ADGRF5: variants seen among roughly 807,000 people sequenced by gnomAD.
The protein encoded by ADGRF5 is adhesion G protein-coupled receptor F5, also known as G-protein coupled receptor 116.
In ADGRF5, 75 loss-of-function variants were observed where a neutral mutation model predicts 132.3. That is an observed-to-expected ratio of 0.57 (90% CI 0.47 to 0.69). The LOEUF is 0.69. ADGRF5 is among the 30% of genes least tolerant of loss of function. The probability of loss-of-function intolerance (pLI) is 0.00; values close to 1 mark genes in which losing one functional copy is unlikely to be tolerated. For missense variants in ADGRF5, 1,516 were observed against 1,630.6 expected (o/e 0.93, Z 1.21); for synonymous variants, 629 against 597.6 (o/e 1.05, Z -0.77).
intron 1 of ADGRF5, among the ~76,000 whole-genome samples, chr6:46,942,426 G>A (rs192502274): frequency 5.1e-4 from 78 of 152,334 alleles, no homozygotes; most frequent in Admixed American, 1.6e-3. Context: ...CATGGGCTAT[G>A]GCATGAGGCT....
At chr6:46,879,689 T>C (rs898206368) in intron 9 of ADGRF5, 129 bp downstream of exon 9, 13 of 690,108 alleles carry the variant, frequency 1.9e-5, no homozygotes, top group African/African-American at 1.6e-4. Flanking sequence ...TTTTGAAAGG[T>C]TGAACCAGGA....
At chr6:46,884,969 A>C (rs1454749432) in intron 4 of ADGRF5, among the ~76,000 whole-genome samples, 1 of 152,206 alleles carries the variant, frequency 6.6e-6, no homozygotes, top group Non-Finnish European at 1.5e-5. Flanking sequence ...TGGGAGGCCA[A>C]GGCAGTTGGA....
At chr6:46,953,059 T>C (rs1778561675) in intron 1 of ADGRF5, among the ~76,000 whole-genome samples, 1 of 152,070 alleles carries the variant, frequency 6.6e-6, no homozygotes, top group Non-Finnish European at 1.5e-5. Flanking sequence ...GCAAGGTACT[T>C]AGTTTAGTTG....
intron 10 of ADGRF5, among the ~76,000 whole-genome samples, chr6:46,877,539 G>A (rs987280971): frequency 4.0e-5 from 6 of 151,528 alleles, no homozygotes; most frequent in African/African-American, 1.5e-4. Flanking sequence ...ATCATAAACT[G>A]TTATACAAAA....
chr6:46,871,730 C>A, intron 11 of ADGRF5, 113 bp downstream of exon 11: 1 of 656,768 alleles, frequency 1.5e-6, no homozygotes, highest in Non-Finnish European at 2.6e-6. Context: ...TAACCACACT[C>A]CCTCTCTGTC....
chr6:46,907,654 A>T (rs1255579817), intron 1 of ADGRF5, among the ~76,000 whole-genome samples: 1 of 152,164 alleles, frequency 6.6e-6, no homozygotes, highest in Non-Finnish European at 1.5e-5. Flanking sequence ...AGGGACCAAG[A>T]CAATCTACTT....
At chr6:46,901,105 T>A (rs1774719652) in intron 2 of ADGRF5, among the ~76,000 whole-genome samples, 1 of 152,204 alleles carries the variant, frequency 6.6e-6, no homozygotes, top group Non-Finnish European at 1.5e-5. Context: ...GGGGGCATCA[T>A]GCTGCACCTG....
intron 7 of ADGRF5, 134 bp from the exon 8 acceptor site, chr6:46,881,731 C>CATCATTGGATCTTCTGGAAGAAAGA: frequency 1.4e-6 from 1 of 696,672 alleles, no homozygotes; most frequent in Non-Finnish European, 2.4e-6. Flanking sequence ...ATCTGACTGG[C>CATCATTGGATCTTCTGGAAGAAAGA]CAGCAGGATC....
intron 14 of ADGRF5, 186 bp from the exon 15 acceptor site, chr6:46,863,282 A>G (rs1247339776): frequency 1.0e-5 from 7 of 685,720 alleles, no homozygotes; most frequent in Non-Finnish European, 1.9e-5. Flanking sequence ...TCTGCTTTCC[A>G]CATGAACCTG....
At chr6:46,889,733 G>A (rs188900857) in intron 3 of ADGRF5, among the ~76,000 whole-genome samples, 48 of 144,270 alleles carry the variant, frequency 3.3e-4, no homozygotes, top group Non-Finnish European at 6.3e-4. Flanking sequence ...CTGTACAAAC[G>A]TTATATATTA....
rs539419940 is a variant in ADGRF5 at position 46,918,150 on chromosome 6, T to C, written c.-25+3563A>G. On this transcript the variant is annotated intron_variant, in intron 1 of 20. Transcript: ENST00000283296. The stretch of plus-strand genomic sequence containing the variant: ...AACCATCATGACCAGAGTCACACCA[T>C]GTGATTTGAAATGTTGAGCTGGTAA... Among the ~76,000 whole-genome samples, 3 of 152,336 alleles carry C rather than the reference T, an allele frequency of 2.0e-5. No homozygotes were observed. The South Asian group carries it at 6.2e-4, about 32-fold the overall frequency.
rs6927483 is a variant in ADGRF5 at position 46,921,840 on chromosome 6, G to T, written c.-152C>A. ...GGGGCTCTCACGCCCAGTGGAGGGA[G>T]AACCAAGCAAGACTCATTTCGCGTT... On this transcript the variant is annotated 5_prime_UTR_variant, in exon 1 of 21. Transcript: ENST00000283296. 0.13 allele frequency: 20,163 copies of T among 152,376 alleles called. 1,543 individuals carry two copies. Among genetic ancestry groups the T allele is most frequent in the Admixed American group, 0.21 (3,232 of 15,272 alleles). The allele number at this position is 152,376 out of a possible 1,614,324, so 9.4% of individuals were successfully genotyped here.
intron 3 of ADGRF5, among the ~76,000 whole-genome samples, chr6:46,890,002 T>G (rs1773488673): frequency 6.6e-6 from 1 of 152,052 alleles, no homozygotes; most frequent in Admixed American, 6.6e-5. Flanking sequence ...TGACCTAATC[T>G]TGGCTAGAAT....
At chr6:46,866,716 C>T (rs1046782685) in intron 13 of ADGRF5, among the ~76,000 whole-genome samples, 9 of 151,968 alleles carry the variant, frequency 5.9e-5, no homozygotes, top group Admixed American at 5.3e-4. Flanking sequence ...AAAGGCTCCA[C>T]CATTGCAAAC....
chr6:46,879,677 A>G lies in ADGRF5; in HGVS notation c.1036+141T>C, dbSNP rs1225082832. 7.7e-6 allele frequency: 5 copies of G among 652,810 alleles called. No homozygotes were observed. In the East Asian group the frequency reaches 1.1e-4, roughly 14 times the overall value. The allele number at this position is 652,810 out of a possible 1,614,324, so 40.4% of individuals were successfully genotyped here. On this transcript the variant is annotated intron_variant, in intron 9 of 20. Coordinates refer to ENST00000283296, the MANE Select transcript of ADGRF5 (RefSeq NM_001098518.2). ...ACTAATACATATCGGATTAATTTTC[A>G]GTTTTGAAAGGTTGAACCAGGAGAC...
intron 1 of ADGRF5, among the ~76,000 whole-genome samples, chr6:46,907,503 C>T (rs889661984): frequency 6.6e-6 from 1 of 151,948 alleles, no homozygotes; most frequent in African/African-American, 2.4e-5. Context: ...TCATGCCTGG[C>T]CTTATGTGTT....
chr6:46,890,313 G>T (rs1252205277), intron 3 of ADGRF5, among the ~76,000 whole-genome samples: 1 of 151,862 alleles, frequency 6.6e-6, no homozygotes, highest in African/African-American at 2.4e-5. Context: ...GGCTTGTTTT[G>T]AACTCTTGGG....
At chr6:46,901,249 G>C (rs1200503052) in intron 2 of ADGRF5, among the ~76,000 whole-genome samples, 2 of 152,026 alleles carry the variant, frequency 1.3e-5, no homozygotes, top group Admixed American at 6.6e-5. Flanking sequence ...CCCATACCTT[G>C]ACCTGACAAG....
At position 46,881,696 on chromosome 6, in the gene ADGRF5, C is replaced by G. The variant is rs535187658; in HGVS notation, c.672-99G>C. 17 of 971,976 alleles carry G rather than the reference C, an allele frequency of 1.7e-5. No homozygotes were observed. The South Asian group carries it at 2.2e-4, about 13-fold the overall frequency. 60.2% of individuals were successfully genotyped at this position (971,976 alleles called of 1,614,324 possible). A position where few individuals can be genotyped will look rare whatever the true frequency, so the allele number is the denominator to read the frequency against. On this transcript the variant is annotated intron_variant, in intron 7 of 20. Coordinates refer to ENST00000283296, the MANE Select transcript of ADGRF5 (RefSeq NM_001098518.2). ...TTAGGAAACAAAATAGCACAAACTG[C>G]CTGATGCAGCATGCAAATCTATGGA...
Sources: gnomAD v4.1 joint callset for allele counts (sites outside exome capture counted in the v4.1 genomes callset) on GRCh38, gnomAD v4.1.1 for gene constraint, MANE v1.5 for transcripts, NCBI Gene and HGNC (gene_info 2026-07-23, HGNC 2026-07-21) for gene names.